Variants in SEMA5A observed in about 807,000 individuals in gnomAD.
SEMA5A encodes semaphorin-5A.
A neutral mutation model predicts 135.5 loss-of-function variants in SEMA5A; 55 were observed. That is an observed-to-expected ratio of 0.41 (90% confidence interval 0.33 to 0.51). The LOEUF (loss-of-function observed/expected upper bound fraction) is 0.51, where lower values mean the gene tolerates loss of function less well. SEMA5A is among the 20% of genes least tolerant of loss of function. The probability of loss-of-function intolerance (pLI) is 0.37; values close to 1 mark genes in which losing one functional copy is unlikely to be tolerated. For missense variants in SEMA5A, 1,290 were observed against 1,419.9 expected (o/e 0.91, Z 1.47); for synonymous variants, 580 against 546.5 (o/e 1.06, Z -0.85).
intron 8 of SEMA5A, among the ~76,000 whole-genome samples, chr5:9,209,471 G>A (rs927359412): frequency 6.6e-6 from 1 of 151,992 alleles, no homozygotes; most frequent in Non-Finnish European, 1.5e-5. Flanking sequence ...ATTAATACAA[G>A]GTTTTTATTG....
At position 9,119,084 on chromosome 5, in the gene SEMA5A, G is replaced by A. The variant is rs1160987310; in HGVS notation, c.1839C>T (p.Ile613=). ...SWSPCSTTCG[I]GFQVRQRSCS... ...AGGAGCGCTGCCGCACCTGGAAGCC[G>A]ATCCCACAGGTAGTGCTGCAGGGAG... Residue 613 remains isoleucine, a synonymous_variant, in exon 15 of 23, where the codon ATC becomes ATT. Transcript: ENST00000382496. 1.1e-5 allele frequency: 18 copies of A among 1,613,664 alleles called. No homozygotes were observed. The highest frequency in any genetic ancestry group is 1.4e-5 in the Non-Finnish European group (17 of 1,179,936).
intron 5 of SEMA5A, among the ~76,000 whole-genome samples, chr5:9,305,817 T>C (rs1453693051): frequency 6.6e-6 from 1 of 151,812 alleles, no homozygotes; most frequent in Non-Finnish European, 1.5e-5. Context: ...TTAAGGGAAG[T>C]TCTCAGGGGA....
chr5:9,313,369 T>G (rs565912790), intron 5 of SEMA5A, among the ~76,000 whole-genome samples: 4 of 152,138 alleles, frequency 2.6e-5, no homozygotes, highest in Non-Finnish European at 4.4e-5. Context: ...TCTGAAAGCA[T>G]TTCTTATAAC....
chr5:9,358,570 C>T (rs2463507), intron 3 of SEMA5A, among the ~76,000 whole-genome samples: 5,442 of 152,296 alleles, frequency 0.036, 161 homozygotes, highest in South Asian at 0.13. Flanking sequence ...ATGGCAGGTG[C>T]GCTGCTATGT....
At chr5:9,267,796 G>A (rs2150531275) in intron 5 of SEMA5A, among the ~76,000 whole-genome samples, 1 of 152,272 alleles carries the variant, frequency 6.6e-6, no homozygotes, top group Admixed American at 6.5e-5. Context: ...GATAAGGAAA[G>A]AGATGAGAAA....
chr5:9,321,680 T>G (rs1392625149), intron 4 of SEMA5A, among the ~76,000 whole-genome samples: 2 of 152,212 alleles, frequency 1.3e-5, no homozygotes, highest in African/African-American at 4.8e-5. Context: ...TATGTTAATT[T>G]TGTCATTGGT....
intron 16 of SEMA5A, among the ~76,000 whole-genome samples, chr5:9,097,856 C>T (rs778813193): frequency 6.6e-6 from 1 of 152,202 alleles, no homozygotes; most frequent in Non-Finnish European, 1.5e-5. Flanking sequence ...CTTGATGCTA[C>T]AAGTTGCACA....
At chr5:9,269,331 A>G (rs1749849713) in intron 5 of SEMA5A, among the ~76,000 whole-genome samples, 1 of 152,142 alleles carries the variant, frequency 6.6e-6, no homozygotes, top group Non-Finnish European at 1.5e-5. Flanking sequence ...AATAGATATT[A>G]ATAATAATCA....
In SEMA5A at chr5:9,204,260, G is replaced by T. The variant is rs546171544; in HGVS notation, c.647-2020C>A. Among the ~76,000 whole-genome samples, 2 of 152,152 alleles carry T rather than the reference G, an allele frequency of 1.3e-5. No individual in the cohort carries two copies. The highest frequency in any genetic ancestry group is 4.8e-5 in the African/African-American group (2 of 41,432). ...AATGTGGAAAACAAAGAGAGAAGGC[G>T]TAAGGGTCCAAGTGTGTCTAGCCCG... On this transcript the variant is annotated intron_variant, in intron 8 of 22. Coordinates refer to ENST00000382496, the MANE Select transcript of SEMA5A (RefSeq NM_003966.3). This position sits in a 1 kb window ranked among gnomAD's most constrained non-coding sequence, Gnocchi z 6.4.
At chr5:9,129,589 T>C (rs888240233) in intron 13 of SEMA5A, among the ~76,000 whole-genome samples, 5 of 152,244 alleles carry the variant, frequency 3.3e-5, no homozygotes, top group African/African-American at 7.2e-5. Flanking sequence ...TAGGTATTTT[T>C]ATATTTTCTT....
At chr5:9,523,135 A>G (rs1736928761) in intron 1 of SEMA5A, 1 of 152,234 alleles carries the variant, frequency 6.6e-6, no homozygotes, top group Non-Finnish European at 1.5e-5. Flanking sequence ...CAAGAGGAAA[A>G]TGAAATCAAC....
chr5:9,455,273 TGAG>T (rs1758791426), intron 1 of SEMA5A, among the ~76,000 whole-genome samples: 1 of 147,438 alleles, frequency 6.8e-6, no homozygotes, highest in African/African-American at 2.6e-5. Flanking sequence ...TTTTTTTTTT[TGAG>T]ACAGAATCTC....
At chr5:9,141,253 T>G (rs2150230427) in intron 12 of SEMA5A, among the ~76,000 whole-genome samples, 1 of 152,292 alleles carries the variant, frequency 6.6e-6, no homozygotes, top group East Asian at 1.9e-4. Flanking sequence ...AAATCATGGG[T>G]TTCCAATTAA....
intron 4 of SEMA5A, among the ~76,000 whole-genome samples, chr5:9,328,541 G>A (rs181599964): frequency 4.6e-5 from 7 of 152,250 alleles, no homozygotes; most frequent in Non-Finnish European, 1.0e-4. Flanking sequence ...CACTTTGAGA[G>A]GCCAAGGTGG....
chr5:9,227,327 A>C (rs971834521), intron 6 of SEMA5A, among the ~76,000 whole-genome samples: 11 of 152,166 alleles, frequency 7.2e-5, no homozygotes, highest in Non-Finnish European at 1.0e-4. Flanking sequence ...TAGTAGCACA[A>C]ATGCTAAATG....
intron 11 of SEMA5A, among the ~76,000 whole-genome samples, chr5:9,188,383 A>T (rs1744918248): frequency 6.6e-6 from 1 of 152,224 alleles, no homozygotes; most frequent in Non-Finnish European, 1.5e-5. Context: ...AAAATAGAGG[A>T]GTTTCATCAG....
chr5:9,097,906 A>G (rs1579387595), intron 16 of SEMA5A, among the ~76,000 whole-genome samples: 2 of 152,332 alleles, frequency 1.3e-5, no homozygotes, highest in South Asian at 4.1e-4. Flanking sequence ...AAGAGGGACA[A>G]CATCAGTACA....
intron 4 of SEMA5A, among the ~76,000 whole-genome samples, chr5:9,328,627 T>C (rs1020142482): frequency 5.9e-5 from 9 of 151,986 alleles, no homozygotes; most frequent in Non-Finnish European, 1.3e-4. Context: ...AAAAATACAA[T>C]TAGCCGGATA....
chr5:9,234,886 C>T (rs1197189511), intron 6 of SEMA5A, among the ~76,000 whole-genome samples: 1 of 152,158 alleles, frequency 6.6e-6, no homozygotes, highest in Non-Finnish European at 1.5e-5. Context: ...TTGGTCTCCT[C>T]CGTGAATCGA....
Sources: allele counts gnomAD v4.1 joint callset (sites outside exome capture counted in the v4.1 genomes callset), GRCh38; gene constraint gnomAD v4.1.1; non-coding constraint Gnocchi (gnomAD v3.1); transcripts MANE v1.5; gene names NCBI Gene and HGNC (gene_info 2026-07-23, HGNC 2026-07-21).